Variants in LRRTM4 observed in about 807,000 individuals in gnomAD.
LRRTM4 encodes leucine-rich repeat transmembrane neuronal protein 4.
In LRRTM4, 25 loss-of-function variants were observed where a neutral mutation model predicts 47.6. That is an observed-to-expected ratio of 0.53 (90% CI 0.38 to 0.73). The LOEUF is 0.73. LRRTM4 is among the 30% of genes least tolerant of loss of function. LRRTM4 has a pLI of 0.00. For synonymous variants in LRRTM4, 311 were observed against 269.5 expected, an observed-to-expected ratio of 1.15 and a Z score of -1.51; for missense variants, 638 against 713.4, an observed-to-expected ratio of 0.89 and a Z score of 1.20.
intron 3 of LRRTM4, among the ~76,000 whole-genome samples, chr2:76,926,900 A>C (rs1241489810): frequency 6.6e-6 from 1 of 152,168 alleles, no homozygotes; most frequent in African/African-American, 2.4e-5. Flanking sequence ...AAAACCTATC[A>C]GAAAAGGTCA....
At chr2:77,449,661 C>T (rs1296939444) in intron 3 of LRRTM4, among the ~76,000 whole-genome samples, 11 of 152,268 alleles carry the variant, frequency 7.2e-5, no homozygotes, top group East Asian at 1.9e-4. Flanking sequence ...CGGGACTATA[C>T]GGAATACACT....
intron 3 of LRRTM4, among the ~76,000 whole-genome samples, chr2:76,991,415 AAAG>A (rs776505543): frequency 7.9e-5 from 12 of 151,644 alleles, no homozygotes; most frequent in Non-Finnish European, 1.2e-4. Context: ...ACAAAGGAAA[AAAG>A]AAGATTGCCC....
intron 3 of LRRTM4, among the ~76,000 whole-genome samples, chr2:77,156,312 T>A (rs1672558370): frequency 1.8e-5 from 2 of 109,730 alleles, no homozygotes; most frequent in Non-Finnish European, 3.9e-5. Flanking sequence ...CAAACATAAG[T>A]AAAAGACACA....
intron 3 of LRRTM4, among the ~76,000 whole-genome samples, chr2:77,231,710 A>C (rs1472041764): frequency 2.6e-5 from 4 of 152,142 alleles, no homozygotes; most frequent in Non-Finnish European, 5.9e-5. Flanking sequence ...GCTGATATGG[A>C]GCTCACAGTG....
At chr2:77,441,132 C>G (rs1324860543) in intron 3 of LRRTM4, among the ~76,000 whole-genome samples, 2 of 152,068 alleles carry the variant, frequency 1.3e-5, no homozygotes, top group Non-Finnish European at 2.9e-5. Flanking sequence ...CCTATCACAC[C>G]ATGAATTGAA....
At chr2:77,102,882 T>C (rs138922684) in intron 3 of LRRTM4, among the ~76,000 whole-genome samples, 4 of 152,296 alleles carry the variant, frequency 2.6e-5, no homozygotes, top group African/African-American at 9.6e-5. Flanking sequence ...CATCTATATA[T>C]TGTTTATGGC....
intron 3 of LRRTM4, among the ~76,000 whole-genome samples, chr2:77,017,056 C>G (rs115183424): frequency 0.019 from 2,942 of 152,114 alleles, 94 homozygotes; most frequent in African/African-American, 0.067. Context: ...TTTTAAAGGA[C>G]TGAGGGAAAA....
At chr2:77,346,535 A>G (rs747174451) in intron 3 of LRRTM4, among the ~76,000 whole-genome samples, 3 of 152,266 alleles carry the variant, frequency 2.0e-5, no homozygotes, top group Non-Finnish European at 4.4e-5. Context: ...AAAAAGAGAC[A>G]TTCATATATT....
Position 76,796,849 on chromosome 2 carries a change from C to T in LRRTM4, c.1552-47933G>A, listed in dbSNP as rs144672892. Reference sequence around the variant, plus strand: ...AAGGCAGACGCCTCAGGAGCTGATTCGATCAACTGGAAGAAAGGGTATCAG... The same window carrying T: ...AAGGCAGACGCCTCAGGAGCTGATTTGATCAACTGGAAGAAAGGGTATCAG... On this transcript the variant is annotated intron_variant, in intron 3 of 3. Coordinates refer to ENST00000409884, the MANE Select transcript of LRRTM4 (RefSeq NM_001134745.3). Among the ~76,000 whole-genome samples, 651 of 151,984 alleles carry T rather than the reference C, an allele frequency of 4.3e-3. 2 individuals are homozygous for T. The highest frequency in any genetic ancestry group is 0.015 in the African/African-American group (614 of 41,484).
rs368150350 is a variant in LRRTM4 at position 77,019,344 on chromosome 2, G to A, written c.1552-270428C>T. Among the ~76,000 whole-genome samples, 24 of 151,566 alleles carry A rather than the reference G, an allele frequency of 1.6e-4. No homozygotes were observed. In the East Asian group the frequency reaches 4.5e-3, roughly 28 times the overall value. ...CTTTGCCATTGTTAAGCCCTGGAAG[G>A]CCTTAATGCCAGGTATGCAACATTG... On this transcript the variant is annotated intron_variant, in intron 3 of 3. Coordinates refer to ENST00000409884, the MANE Select transcript of LRRTM4 (RefSeq NM_001134745.3).
intron 3 of LRRTM4, among the ~76,000 whole-genome samples, chr2:76,828,853 C>T (rs1434379521): frequency 1.3e-5 from 2 of 151,916 alleles, no homozygotes; most frequent in Non-Finnish European, 2.9e-5. Context: ...TTAGCCATTC[C>T]CATCTTTAAT....
intron 3 of LRRTM4, among the ~76,000 whole-genome samples, chr2:77,141,055 A>T (rs943334403): frequency 6.6e-6 from 1 of 152,148 alleles, no homozygotes; most frequent in South Asian, 2.1e-4. Flanking sequence ...ATTGTGGAAG[A>T]CAGTGTGGCA....
intron 3 of LRRTM4, among the ~76,000 whole-genome samples, chr2:77,362,115 G>GAGAAAGAA (rs1230993221): frequency 0.11 from 11,132 of 98,418 alleles, 786 homozygotes; most frequent in Middle Eastern, 0.14. Context: ...GAAAGAAAGA[G>GAGAAAGAA]AGAAAGAAAG....
chr2:77,410,292 A>G (rs1674367705), intron 3 of LRRTM4, among the ~76,000 whole-genome samples: 2 of 152,158 alleles, frequency 1.3e-5, no homozygotes, highest in Non-Finnish European at 2.9e-5. Flanking sequence ...GGAAAATGGG[A>G]CCAACCACAT....
chr2:77,001,816 C>T (rs1677440175), intron 3 of LRRTM4, among the ~76,000 whole-genome samples: 2 of 152,230 alleles, frequency 1.3e-5, no homozygotes, highest in South Asian at 2.1e-4. Context: ...ACACTGTTGA[C>T]AAAAGTCTTA....
At chr2:76,758,237 AG>A in intron 3 of LRRTM4, among the ~76,000 whole-genome samples, 1 of 152,204 alleles carries the variant, frequency 6.6e-6, no homozygotes, top group Non-Finnish European at 1.5e-5. Context: ...CTGACAGTAC[AG>A]TGGGCATTCA....
intron 3 of LRRTM4, among the ~76,000 whole-genome samples, chr2:77,107,600 C>G (rs942570602): frequency 1.3e-5 from 2 of 152,104 alleles, no homozygotes; most frequent in African/African-American, 4.8e-5. Context: ...GGGTGGATCA[C>G]TTGAGGTTGG....
chr2:77,410,154 C>T (rs530906446), intron 3 of LRRTM4, among the ~76,000 whole-genome samples: 1 of 152,110 alleles, frequency 6.6e-6, no homozygotes, highest in Non-Finnish European at 1.5e-5. Context: ...GTCTTAGAGG[C>T]TTTTAAATAA....
chr2:77,436,898 A>T (rs1466959528), intron 3 of LRRTM4, among the ~76,000 whole-genome samples: 1 of 151,926 alleles, frequency 6.6e-6, no homozygotes, highest in Admixed American at 6.6e-5. Context: ...CCCACAGTCC[A>T]TTCTGAGTAC....
Sources: gnomAD v4.1 joint callset for allele counts (sites outside exome capture counted in the v4.1 genomes callset) on GRCh38, gnomAD v4.1.1 for gene constraint, MANE v1.5 for transcripts, NCBI Gene and HGNC (gene_info 2026-07-23, HGNC 2026-07-21) for gene names.